COL24A1: variants seen among roughly 807,000 people sequenced by gnomAD.
COL24A1 encodes collagen type XXIV alpha 1 chain.
COL24A1 carries 224 observed loss-of-function variants against 253.9 expected under a neutral mutation model. The ratio of observed to expected loss-of-function variants is 0.88; its 90% confidence interval spans 0.79 to 0.99. The LOEUF is 0.99. COL24A1 is among the 50% of genes least tolerant of loss of function. The pLI is 0.00. For missense variants in COL24A1, 2,131 were observed against 2,068.5 expected, an observed-to-expected ratio of 1.03 and a Z score of -0.59; for synonymous variants, 685 against 673.7, an observed-to-expected ratio of 1.02 and a Z score of -0.26.
chr1:85,995,882 C>T lies in COL24A1; in HGVS notation c.2311-8228G>A, dbSNP rs116544198. 1.0e-2 allele frequency among the ~76,000 whole-genome samples: 1,516 copies of T among 152,266 alleles called. 29 individuals carry two copies. Among genetic ancestry groups the T allele is most frequent in the African/African-American group, 0.035 (1,443 of 41,550 alleles). ...TAAGATGTTTCTGCTTACCCTTTGCCTTCTACCATGGTTGTTAAGTTTCCT... is the reference window on the plus strand; with the variant it reads ...TAAGATGTTTCTGCTTACCCTTTGCTTTCTACCATGGTTGTTAAGTTTCCT... On this transcript the variant is annotated intron_variant, in intron 19 of 59. Transcript: ENST00000370571.
intron 5 of COL24A1, among the ~76,000 whole-genome samples, chr1:86,103,019 T>C (rs1398083064): frequency 6.6e-6 from 1 of 152,156 alleles, no homozygotes; most frequent in East Asian, 1.9e-4. Context: ...ATCTAAATCT[T>C]TTTGAAGGTC....
chr1:85,802,264 G>A (rs1485135417), intron 47 of COL24A1, among the ~76,000 whole-genome samples: 1 of 152,162 alleles, frequency 6.6e-6, no homozygotes, highest in East Asian at 1.9e-4. Context: ...ACCTTAATAC[G>A]TCCTTCAATA....
intron 23 of COL24A1, among the ~76,000 whole-genome samples, chr1:85,964,052 C>T (rs1378165905): frequency 6.6e-6 from 1 of 152,120 alleles, no homozygotes; most frequent in African/African-American, 2.4e-5. Flanking sequence ...GCTCATATTT[C>T]TTTATCAAGC....
intron 54 of COL24A1, 38 bp downstream of exon 54, chr1:85,761,493 C>T (rs1301199489): frequency 1.2e-6 from 2 of 1,613,724 alleles, no homozygotes; most frequent in Non-Finnish European, 1.7e-6. Context: ...AACATATAAG[C>T]ATCAATGGTA....
chr1:85,846,942 A>G (rs935723257), intron 39 of COL24A1, among the ~76,000 whole-genome samples: 6 of 152,128 alleles, frequency 3.9e-5, no homozygotes, highest in African/African-American at 1.4e-4. Context: ...AAAAAGCCTT[A>G]GTGAAAAGTC....
intron 19 of COL24A1, among the ~76,000 whole-genome samples, chr1:85,998,336 A>C (rs534893278): frequency 5.9e-5 from 9 of 152,256 alleles, no homozygotes; most frequent in African/African-American, 2.2e-4. Context: ...CTTGTTACCC[A>C]CTCAAATGTA....
At chr1:85,834,128 T>C (rs12727916) in intron 43 of COL24A1, among the ~76,000 whole-genome samples, 49,999 of 150,870 alleles carry the variant, frequency 0.33, 9,484 homozygotes, top group Non-Finnish European at 0.43. Context: ...ATAATAAAAT[T>C]TAAAAAAAAA....
intron 19 of COL24A1, among the ~76,000 whole-genome samples, chr1:86,015,195 T>C (rs908874645): frequency 6.6e-6 from 1 of 152,204 alleles, no homozygotes; most frequent in Non-Finnish European, 1.5e-5. Flanking sequence ...GAAAAAGTTA[T>C]GCTCCTTGAA....
At chr1:86,063,573 T>G in intron 8 of COL24A1, 142 bp downstream of exon 8, 1 of 451,140 alleles carries the variant, frequency 2.2e-6, no homozygotes, top group Non-Finnish European at 4.0e-6. Flanking sequence ...GCTAATCAAT[T>G]AAAAGGTTGT....
chr1:86,082,431 G>A (rs1376455960), intron 7 of COL24A1, among the ~76,000 whole-genome samples: 1 of 151,762 alleles, frequency 6.6e-6, no homozygotes, highest in African/African-American at 2.4e-5. Flanking sequence ...GTATCATTAG[G>A]ATAACTTCTG....
At chr1:85,735,053 G>A in intron 58 of COL24A1, 89 bp from the exon 59 acceptor site, 1 of 1,238,848 alleles carries the variant, frequency 8.1e-7, no homozygotes, top group South Asian at 1.4e-5. Flanking sequence ...TCCTTCAAAG[G>A]CAGCCTCCAG....
rs145324081 is a variant in COL24A1, at chr1:85,915,151, G to C, written c.2563-3718C>G. 3.4e-4 allele frequency among the ~76,000 whole-genome samples: 52 copies of C among 152,284 alleles called. 1 individual carries two copies. The East Asian group carries it at 9.8e-3, about 29-fold the overall frequency. On this transcript the variant is annotated intron_variant, in intron 24 of 59. Transcript: ENST00000370571. Reference sequence around the variant, plus strand: ...GGTGGGCACTGTCCAATCTGTTGAGGATCTGAATAAAACAAAAAGGCAAAG... The same window carrying C: ...GGTGGGCACTGTCCAATCTGTTGAGCATCTGAATAAAACAAAAAGGCAAAG...
chr1:85,765,696 G>A (rs1667296911), intron 53 of COL24A1, among the ~76,000 whole-genome samples: 2 of 152,020 alleles, frequency 1.3e-5, no homozygotes, highest in South Asian at 4.1e-4. Context: ...AGCTATGGCT[G>A]CACCACTGCA....
chr1:85,823,603 C>T lies in COL24A1; in HGVS notation c.3736-14G>A, dbSNP rs889173721. 2 of 1,613,682 alleles carry T rather than the reference C, an allele frequency of 1.2e-6. No homozygotes were observed. The highest frequency in any genetic ancestry group is 2.2e-5 in the South Asian group (2 of 91,040). On this transcript the variant is annotated splice_polypyrimidine_tract_variant and intron_variant, in intron 44 of 59. Coordinates refer to ENST00000370571, the MANE Select transcript of COL24A1 (RefSeq NM_152890.7). ...ACCTGGTTCGCCCTTTAGTAGAAAC[C>T]AAAATAAAAATCACATATGAAGCAG...
chr1:85,876,080 A>G (rs1474913770), intron 33 of COL24A1, among the ~76,000 whole-genome samples: 1 of 152,098 alleles, frequency 6.6e-6, no homozygotes, highest in African/African-American at 2.4e-5. Flanking sequence ...ATTTTATCCT[A>G]AAGGCCATGA....
chr1:85,741,364 CT>C (rs1213367080), intron 57 of COL24A1, among the ~76,000 whole-genome samples: 2 of 152,064 alleles, frequency 1.3e-5, no homozygotes, highest in Admixed American at 1.3e-4. Flanking sequence ...AAAATGTTAT[CT>C]TTTATAGAAG....
intron 47 of COL24A1, among the ~76,000 whole-genome samples, chr1:85,805,047 C>T (rs1053133297): frequency 7.9e-5 from 12 of 152,088 alleles, no homozygotes; most frequent in African/African-American, 2.9e-4. Context: ...TGCTATATCG[C>T]CCAGGTTGGT....
At chr1:85,950,250 A>G (rs1689759722) in intron 24 of COL24A1, among the ~76,000 whole-genome samples, 1 of 152,238 alleles carries the variant, frequency 6.6e-6, no homozygotes, top group Non-Finnish European at 1.5e-5. Flanking sequence ...TCTGACAAAC[A>G]ATTGGTATCC....
At chr1:85,843,473 T>C (rs1467096352) in intron 39 of COL24A1, among the ~76,000 whole-genome samples, 3 of 152,112 alleles carry the variant, frequency 2.0e-5, no homozygotes, top group Non-Finnish European at 2.9e-5. Flanking sequence ...GCTTCAATAG[T>C]CTCATCCAAC....
Sources: gnomAD v4.1 joint callset for allele counts (sites outside exome capture counted in the v4.1 genomes callset) on GRCh38, gnomAD v4.1.1 for gene constraint, MANE v1.5 for transcripts, NCBI Gene and HGNC (gene_info 2026-07-23, HGNC 2026-07-21) for gene names.